Variants in CSMD1 observed in about 807,000 individuals in gnomAD.
CSMD1 encodes CUB and Sushi multiple domains 1.
A neutral mutation model predicts 417.5 loss-of-function variants in CSMD1; 213 were observed. That is an observed-to-expected ratio of 0.51 (90% CI 0.46 to 0.57). The LOEUF (loss-of-function observed/expected upper bound fraction) is 0.57. CSMD1 is among the 20% of genes least tolerant of loss of function. The pLI is 0.00. For synonymous variants in CSMD1, 2,862 were observed against 1,736.8 expected (o/e 1.65, Z -16.11); for missense variants, 6,923 against 4,529.7 (o/e 1.53, Z -15.17).
intron 50 of CSMD1, among the ~76,000 whole-genome samples, chr8:3,033,186 A>C (rs1218504716): frequency 6.6e-6 from 1 of 152,120 alleles, no homozygotes; most frequent in Non-Finnish European, 1.5e-5. Context: ...TTCGATTTTT[A>C]AATTTCCTGT....
chr8:4,397,045 G>T (rs199687686), intron 3 of CSMD1, among the ~76,000 whole-genome samples: 4 of 113,860 alleles, frequency 3.5e-5, no homozygotes, highest in Admixed American at 1.1e-4. Context: ...AAAAAATAAA[G>T]AAAAATTATT....
chr8:4,065,572 T>G (rs2552092), intron 3 of CSMD1, among the ~76,000 whole-genome samples: 1 of 151,982 alleles, frequency 6.6e-6, no homozygotes, highest in Non-Finnish European at 1.5e-5. Context: ...TTTTCACTGC[T>G]AAAAGATGTA....
At chr8:3,963,397 C>T (rs1330109740) in intron 5 of CSMD1, among the ~76,000 whole-genome samples, 1 of 152,140 alleles carries the variant, frequency 6.6e-6, no homozygotes, top group Non-Finnish European at 1.5e-5. Flanking sequence ...ACATCCTATA[C>T]TCCATGGTTC....
chr8:4,736,898 G>C lies in CSMD1; in HGVS notation c.86-99340C>G, dbSNP rs113074492. Among the ~76,000 whole-genome samples the C allele has an allele frequency of 9.2e-4, 140 of 152,228 alleles. No homozygotes were observed. In the Middle Eastern group the frequency reaches 0.02, roughly 22 times the overall value. On this transcript the variant is annotated intron_variant, in intron 1 of 69. Transcript: ENST00000635120. ...TGTAAGCGTTCAGTAAATGTTATCA[G>C]CTGTCATCATCATCCTCTTTGTAAT...
intron 18 of CSMD1, among the ~76,000 whole-genome samples, chr8:3,384,705 T>C (rs1164363453): frequency 1.0e-5 from 1 of 98,502 alleles, no homozygotes; most frequent in Non-Finnish European, 1.9e-5. Context: ...ATAAATTATA[T>C]ATAAATATAT....
intron 3 of CSMD1, among the ~76,000 whole-genome samples, chr8:4,347,787 C>T (rs1800857990): frequency 2.0e-5 from 3 of 152,012 alleles, no homozygotes; most frequent in Admixed American, 6.6e-5. Flanking sequence ...TTTAGTAACT[C>T]TAAATAAAAT....
At position 3,367,106 on chromosome 8, in the gene CSMD1, C is replaced by T. The variant is rs747056562; in HGVS notation, c.3041G>A (p.Gly1014Glu). 4 of 1,613,762 alleles carry T rather than the reference C, an allele frequency of 2.5e-6. No individual in the cohort carries two copies. The highest frequency in any genetic ancestry group is 1.7e-5 in the Admixed American group (1 of 59,990). Residue 1014 changes from glycine to glutamate, a missense_variant, in exon 20 of 70, where the codon GGA becomes GAA. Physicochemically the swap from Gly to Glu is moderately conservative, Grantham distance 98 (BLOSUM62 -2). Coordinates refer to ENST00000635120, the MANE Select transcript of CSMD1 (RefSeq NM_033225.6). The part of the protein sequence containing the change: ...LPHTIKAGLF[G>E]NFTAQLRFIS... ...AAACCGAAGCTGGGCAGTGAAGTTT[C>T]CAAACAGGCCTGCCTTGATCGTATG...
chr8:4,270,800 C>T (rs962768104), intron 3 of CSMD1, among the ~76,000 whole-genome samples: 2 of 152,148 alleles, frequency 1.3e-5, no homozygotes, highest in African/African-American at 2.4e-5. Context: ...TTCCTTCCTC[C>T]TAGAAAGTTC....
At chr8:3,076,962 T>G (rs953743777) in intron 49 of CSMD1, among the ~76,000 whole-genome samples, 1 of 152,146 alleles carries the variant, frequency 6.6e-6, no homozygotes, top group South Asian at 2.1e-4. Context: ...GCGAACATTG[T>G]ATCCAACAGG....
At chr8:4,882,950 G>A (rs897074299) in intron 1 of CSMD1, among the ~76,000 whole-genome samples, 1 of 152,010 alleles carries the variant, frequency 6.6e-6, no homozygotes, top group Non-Finnish European at 1.5e-5. Context: ...AGCTAGCAGT[G>A]TTAGCTCCAA....
At chr8:3,973,723 C>T (rs940405595) in intron 5 of CSMD1, among the ~76,000 whole-genome samples, 1 of 152,212 alleles carries the variant, frequency 6.6e-6, no homozygotes, top group African/African-American at 2.4e-5. Flanking sequence ...TTTGCAAGAA[C>T]AGTGGCTATT....
At chr8:4,811,305 G>A (rs1798889773) in intron 1 of CSMD1, among the ~76,000 whole-genome samples, 1 of 152,022 alleles carries the variant, frequency 6.6e-6, no homozygotes, top group Admixed American at 6.6e-5. Context: ...GTATTAATTG[G>A]GAATATTGAC....
intron 7 of CSMD1, among the ~76,000 whole-genome samples, chr8:3,668,276 G>A (rs896334041): frequency 1.3e-5 from 2 of 152,162 alleles, no homozygotes; most frequent in Non-Finnish European, 2.9e-5. Flanking sequence ...CTGCGAAGAT[G>A]GCCCTGTGTA....
chr8:3,214,758 T>A, intron 29 of CSMD1, 67 bp from the exon 30 acceptor site: 1 of 1,327,652 alleles, frequency 7.5e-7, no homozygotes, highest in South Asian at 1.5e-5. Flanking sequence ...TTTTTGTTTG[T>A]TGGGTTGGTT....
At chr8:3,881,072 A>G (rs1223724600) in intron 5 of CSMD1, among the ~76,000 whole-genome samples, 3 of 152,166 alleles carry the variant, frequency 2.0e-5, no homozygotes, top group East Asian at 3.8e-4. Context: ...AAAATTATAT[A>G]AAAAACTGAA....
chr8:4,609,907 C>T (rs555861437), intron 2 of CSMD1, among the ~76,000 whole-genome samples: 2 of 152,152 alleles, frequency 1.3e-5, no homozygotes, highest in Non-Finnish European at 1.5e-5. Flanking sequence ...AGAAGGATCC[C>T]CTTTACAAGG....
chr8:3,100,433 T>C (rs917424987), intron 46 of CSMD1, among the ~76,000 whole-genome samples: 4 of 152,338 alleles, frequency 2.6e-5, no homozygotes, highest in South Asian at 4.1e-4. Flanking sequence ...TTATAAACTG[T>C]TGCTTAGAGC....
intron 3 of CSMD1, among the ~76,000 whole-genome samples, chr8:4,168,174 C>T (rs200787737): frequency 2.3e-5 from 3 of 129,926 alleles, no homozygotes; most frequent in Non-Finnish European, 3.4e-5. Context: ...CACACACACA[C>T]ACATACACAC....
chr8:3,202,084 C>G (rs553362579), intron 31 of CSMD1, among the ~76,000 whole-genome samples: 56 of 152,256 alleles, frequency 3.7e-4, no homozygotes, highest in African/African-American at 1.3e-3. Flanking sequence ...AGGAGAATGG[C>G]TTGAACCTGG....
Sources: allele counts gnomAD v4.1 joint callset (sites outside exome capture counted in the v4.1 genomes callset), GRCh38; gene constraint gnomAD v4.1.1; transcripts MANE v1.5; gene names NCBI Gene and HGNC (gene_info 2026-07-23, HGNC 2026-07-21).